The following TRMT9B variants were observed in gnomAD, a reference collection of about 807,000 sequenced individuals.
The protein encoded by TRMT9B is tRNA methyltransferase 9B (putative).
In TRMT9B, 16 loss-of-function variants were observed where a neutral mutation model predicts 11.5. The observed-to-expected ratio is 1.39, with a 90% confidence interval of 0.94 to 2.11. TRMT9B has a LOEUF of 2.11. TRMT9B is among the 30% of genes most tolerant of loss of function. TRMT9B has a pLI of 0.00. For missense variants in TRMT9B, 941 were observed against 553.8 expected (o/e 1.70, Z -7.02); for synonymous variants, 274 against 192.4 (o/e 1.42, Z -3.51).
rs1284047731 is a variant in TRMT9B at position 13,028,767 on chromosome 8, G to A, written c.*6723G>A. On this transcript the variant is annotated 3_prime_UTR_variant, in exon 5 of 5. Coordinates refer to ENST00000524591, the MANE Select transcript of TRMT9B (RefSeq NM_020844.3). ...ATTTTTGTATTTTTTTTTAAGTAAA[G>A]ACAAACTTTCACCATGTTGGCCAGG... is the stretch of plus-strand genomic sequence containing the variant. 1 of 163,550 alleles carries A rather than the reference G, an allele frequency of 6.1e-6. No individual in the cohort carries two copies. The highest frequency in any genetic ancestry group is 1.5e-5 in the Non-Finnish European group (1 of 68,000). 10.1% of individuals were successfully genotyped at this position (163,550 alleles called of 1,614,324 possible).
At chr8:12,950,583 C>T (rs1800526051) in intron 1 of TRMT9B, among the ~76,000 whole-genome samples, 1 of 136,462 alleles carries the variant, frequency 7.3e-6, no homozygotes, top group South Asian at 2.3e-4. Flanking sequence ...GAGGCCTTTA[C>T]AGAAAAAGAA....
intron 1 of TRMT9B, among the ~76,000 whole-genome samples, chr8:12,948,589 A>G (rs1800380729): frequency 6.7e-6 from 1 of 149,778 alleles, no homozygotes; most frequent in Non-Finnish European, 1.5e-5. Context: ...AATTATATGC[A>G]TGATATAATA....
At position 13,024,896 on chromosome 8, in the gene TRMT9B, G is replaced by A. The variant is rs1194970810; in HGVS notation, c.*2852G>A. 1.8e-5 allele frequency: 3 copies of A among 166,794 alleles called. No individual in the cohort carries two copies. Among genetic ancestry groups the A allele is most frequent in the East Asian group, 1.9e-4 (1 of 5,184 alleles). The allele number at this position is 166,794 out of a possible 1,614,324, so 10.3% of individuals were successfully genotyped here. ...GAAAGCTCTTTTAAATTTAACTTCCGCCTTTGGATTTTTTTTAAAAAGCCA... is the reference window on the plus strand; with the variant it reads ...GAAAGCTCTTTTAAATTTAACTTCCACCTTTGGATTTTTTTTAAAAAGCCA... On this transcript the variant is annotated 3_prime_UTR_variant, in exon 5 of 5. Coordinates refer to ENST00000524591, the MANE Select transcript of TRMT9B (RefSeq NM_020844.3).
chr8:13,011,251 G>A (rs1585359842), intron 3 of TRMT9B: 1 of 957,002 alleles, frequency 1.0e-6, no homozygotes, highest in African/African-American at 1.8e-5. Flanking sequence ...CTCCCAAAGT[G>A]CTAGGATTAT....
intron 2 of TRMT9B, among the ~76,000 whole-genome samples, chr8:12,993,623 C>T (rs1355229812): frequency 2.0e-5 from 3 of 152,200 alleles, no homozygotes; most frequent in Non-Finnish European, 2.9e-5. Context: ...AAGGTGCCAG[C>T]ACTGTGACAA....
At chr8:12,969,362 T>C (rs1170458215) in intron 1 of TRMT9B, among the ~76,000 whole-genome samples, 3 of 152,136 alleles carry the variant, frequency 2.0e-5, no homozygotes, top group Non-Finnish European at 4.4e-5. Flanking sequence ...TGTGTATATA[T>C]AAGTAAGTAA....
intron 1 of TRMT9B, among the ~76,000 whole-genome samples, chr8:12,964,535 G>A (rs537644362): frequency 1.3e-5 from 2 of 152,166 alleles, no homozygotes; most frequent in African/African-American, 2.4e-5. Context: ...AATAGTATTT[G>A]TAGTTTTTAA....
chr8:12,973,498 T>C (rs1293236381), intron 1 of TRMT9B, among the ~76,000 whole-genome samples: 1 of 152,114 alleles, frequency 6.6e-6, no homozygotes, highest in African/African-American at 2.4e-5. Context: ...AGAGAGTGGG[T>C]ATTGCTTGGG....
chr8:13,003,279 C>A (rs1809796625), intron 2 of TRMT9B, among the ~76,000 whole-genome samples: 1 of 152,106 alleles, frequency 6.6e-6, no homozygotes, highest in Non-Finnish European at 1.5e-5. Flanking sequence ...TGGGTAAAAG[C>A]CACAACCCGA....
intron 1 of TRMT9B, among the ~76,000 whole-genome samples, chr8:12,946,772 T>A (rs1164076667): frequency 1.3e-5 from 2 of 152,314 alleles, no homozygotes; most frequent in East Asian, 3.9e-4. Flanking sequence ...GCAGGACTAC[T>A]TTTTTAAAAG....
At chr8:12,975,137 A>T (rs758076563) in intron 1 of TRMT9B, among the ~76,000 whole-genome samples, 2 of 152,092 alleles carry the variant, frequency 1.3e-5, no homozygotes, top group Non-Finnish European at 2.9e-5. Flanking sequence ...TGTCCAGAAC[A>T]TAGGATTCCA....
chr8:12,985,849 T>A (rs925408052), intron 1 of TRMT9B, among the ~76,000 whole-genome samples: 2 of 151,988 alleles, frequency 1.3e-5, no homozygotes, highest in Non-Finnish European at 2.9e-5. Context: ...ATGTACTAGA[T>A]TAATGATTTT....
chr8:12,990,215 A>T (rs1807094442), intron 1 of TRMT9B, among the ~76,000 whole-genome samples: 1 of 152,194 alleles, frequency 6.6e-6, no homozygotes, highest in African/African-American at 2.4e-5. Context: ...CAGACAAGCA[A>T]TTAGGGTCCA....
chr8:12,983,687 A>G (rs1230238339), intron 1 of TRMT9B, among the ~76,000 whole-genome samples: 1 of 152,168 alleles, frequency 6.6e-6, no homozygotes, highest in African/African-American at 2.4e-5. Flanking sequence ...TAATAATAAT[A>G]AAACCCTTCT....
At chr8:12,993,782 G>T (rs1807827979) in intron 2 of TRMT9B, among the ~76,000 whole-genome samples, 1 of 152,210 alleles carries the variant, frequency 6.6e-6, no homozygotes, top group South Asian at 2.1e-4. Context: ...GCCCCCACTG[G>T]GGTACATGCT....
At chr8:12,948,337 T>C (rs1771011137) in intron 1 of TRMT9B, among the ~76,000 whole-genome samples, 1 of 151,188 alleles carries the variant, frequency 6.6e-6, no homozygotes. Flanking sequence ...CTTGTGAATA[T>C]GCATTGCTTT....
At chr8:12,963,123 A>G (rs1802351146) in intron 1 of TRMT9B, among the ~76,000 whole-genome samples, 1 of 152,208 alleles carries the variant, frequency 6.6e-6, no homozygotes, top group South Asian at 2.1e-4. Flanking sequence ...TTACAGGTAA[A>G]TAGTAATCAC....
Position 12,976,982 on chromosome 8 carries a change from C to A in TRMT9B, c.-199-13852C>A, listed in dbSNP as rs150314744. On this transcript the variant is annotated intron_variant, in intron 1 of 4. Transcript: ENST00000524591. ...AATCCTGCCTATGCCTGCTCATGCC[C>A]CAGATGGAGGCCTGAGGGCAAAGAA... Among the ~76,000 whole-genome samples, 141 of 152,324 alleles carry A rather than the reference C, an allele frequency of 9.3e-4. 1 individual carries two copies. Among genetic ancestry groups the A allele is most frequent in the African/African-American group, 3.3e-3 (139 of 41,564 alleles).
intron 2 of TRMT9B, among the ~76,000 whole-genome samples, chr8:13,001,135 C>A (rs1406970734): frequency 2.6e-5 from 4 of 152,166 alleles, no homozygotes; most frequent in African/African-American, 9.7e-5. Context: ...GAAAAATATT[C>A]TTTTGCTTCA....
Sources: gnomAD v4.1 joint callset for allele counts (sites outside exome capture counted in the v4.1 genomes callset) on GRCh38, gnomAD v4.1.1 for gene constraint, MANE v1.5 for transcripts, NCBI Gene and HGNC (gene_info 2026-07-23, HGNC 2026-07-21) for gene names.